SLC5A12: variants seen among roughly 807,000 people sequenced by gnomAD.
SLC5A12 encodes the protein sodium-coupled monocarboxylate transporter 2.
SLC5A12 carries 46 observed loss-of-function variants against 72.7 expected under a neutral mutation model. The observed-to-expected ratio is 0.63, with a 90% CI of 0.50 to 0.81. SLC5A12 has a LOEUF of 0.81. Ranked by LOEUF, SLC5A12 falls within the 30% of genes least tolerant of loss-of-function variation. The probability of loss-of-function intolerance (pLI) is 0.00; values close to 1 mark genes in which losing one functional copy is unlikely to be tolerated. For synonymous variants in SLC5A12, 275 were observed against 264.4 expected (o/e 1.04, Z -0.39); for missense variants, 683 against 740.7 (o/e 0.92, Z 0.90).
At chr11:26,723,219 C>T (rs1393238052), upstream of SLC5A12, 1 of 152,562 alleles carries the variant, frequency 6.6e-6, no homozygotes, top group Non-Finnish European at 1.5e-5. Flanking sequence ...CTTTTCACAT[C>T]TGGATAACTG....
At chr11:26,720,676 T>A (rs949804170) in intron 1 of SLC5A12, among the ~76,000 whole-genome samples, 1 of 152,174 alleles carries the variant, frequency 6.6e-6, no homozygotes, top group Non-Finnish European at 1.5e-5. Flanking sequence ...CACATTTCTA[T>A]ATAGAGCATG....
chr11:26,692,633 A>G (rs776152954), intron 8 of SLC5A12, 32 bp from the exon 9 acceptor site: 1 of 1,506,388 alleles, frequency 6.6e-7, no homozygotes, highest in Admixed American at 1.7e-5. Flanking sequence ...AACATGGTCT[A>G]AGCTATATAA....
rs1165244490 is a variant in SLC5A12 at position 26,698,805 on chromosome 11, T to C, written c.822-270A>G. 3.3e-5 allele frequency among the ~76,000 whole-genome samples: 5 copies of C among 152,188 alleles called. 1 individual carries two copies. In the South Asian group the frequency reaches 1.0e-3, roughly 31 times the overall value. On this transcript the variant is annotated intron_variant, in intron 6 of 14. Transcript: ENST00000396005. ...CAAGAGTTTTTGCAAAACCTTGATA[T>C]GTGTGGTATGAGATCTATTCTCTTG...
rs536821832 is a variant in SLC5A12 at position 26,680,483 on chromosome 11, G to C, written c.1475+572C>G. Among the ~76,000 whole-genome samples the C allele has an allele frequency of 1.2e-4, 18 of 149,616 alleles. No individual in the cohort carries two copies. The East Asian group carries it at 3.4e-3, about 28-fold the overall frequency. On this transcript the variant is annotated intron_variant, in intron 12 of 14. Coordinates refer to ENST00000396005, the MANE Select transcript of SLC5A12 (RefSeq NM_178498.4). ...TTACTAACTTGTCCAAAGATACAGA[G>C]GGAATAAATTATAAAACCAAAATCC...
Position 26,673,400 on chromosome 11 carries a change from A to C in SLC5A12, c.1707+2T>G. 1 of 1,569,160 alleles carries C rather than the reference A, an allele frequency of 6.4e-7. No individual in the cohort carries two copies. Among genetic ancestry groups the C allele is most frequent in the East Asian group, 2.3e-5 (1 of 42,654 alleles). On this transcript the variant is annotated splice_donor_variant, in intron 14 of 14. Coordinates refer to ENST00000396005, the MANE Select transcript of SLC5A12 (RefSeq NM_178498.4). LOFTEE classifies it high-confidence loss of function. Reference sequence around the variant, plus strand: ...TTTTTAGAAGCTCAAACATCAGCTCACCTGCTCTGTCCCACTGTCATGCTG... The same window carrying C: ...TTTTTAGAAGCTCAAACATCAGCTCCCCTGCTCTGTCCCACTGTCATGCTG...
At chr11:26,720,368 G>GA (rs1375926343) in intron 1 of SLC5A12, among the ~76,000 whole-genome samples, 1 of 113,994 alleles carries the variant, frequency 8.8e-6, no homozygotes, top group Non-Finnish European at 2.1e-5. Flanking sequence ...TAAATACATG[G>GA]AAAAAAAGAA....
intron 1 of SLC5A12, 41 bp from the exon 2 acceptor site, chr11:26,712,747 G>C (rs1855262247): frequency 2.7e-6 from 4 of 1,463,160 alleles, no homozygotes; most frequent in Non-Finnish European, 3.8e-6. Flanking sequence ...GTGAGGTTTA[G>C]ATAAGAACTG....
In SLC5A12 at chr11:26,683,814, T is replaced by A; in HGVS notation, c.1251A>T (p.Gly417=). Residue 417 remains glycine, a synonymous_variant, in exon 11 of 15, where the codon GGA becomes GGT. Transcript: ENST00000396005. ...GGGAGAATAAGCCCAGCATTGGTCC[T>A]CCACACATGCCGTGAATGCTGAGGG... is the stretch of plus-strand genomic sequence containing the variant. The part of the protein sequence containing the change: ...QASLSIHGMC[G]GPMLGLFSLG... The A allele has an allele frequency of 6.3e-7, 1 of 1,598,670 alleles. No individual in the cohort carries two copies. The highest frequency in any genetic ancestry group is 2.2e-5 in the East Asian group (1 of 44,486).
At position 26,711,506 on chromosome 11, in the gene SLC5A12, G is replaced by A. The variant is rs1423644439; in HGVS notation, c.406-148C>T. On this transcript the variant is annotated intron_variant, in intron 2 of 14. Coordinates refer to ENST00000396005, the MANE Select transcript of SLC5A12 (RefSeq NM_178498.4). ...TCCTGTTGACTCTAATTTTGAAGTT[G>A]CTCACCACTATCAGTAGTCTGTAGA... 2.3e-5 allele frequency: 16 copies of A among 688,062 alleles called. No homozygotes were observed. In the Admixed American group the frequency reaches 3.4e-4, roughly 15 times the overall value. The allele number at this position is 688,062 out of a possible 1,614,324, so 42.6% of individuals were successfully genotyped here. A position where few individuals can be genotyped will look rare whatever the true frequency, so the allele number is the denominator to read the frequency against.
At position 26,669,187 on chromosome 11, in the gene SLC5A12, T is replaced by TTCTTTTCTTTTTCTTTCTTTC. The variant is rs1554988603; in HGVS notation, c.*1914_*1915insGAAAGAAAGAAAAAGAAAAGA. On this transcript the variant is annotated 3_prime_UTR_variant, in exon 15 of 15. Coordinates refer to ENST00000396005, the MANE Select transcript of SLC5A12 (RefSeq NM_178498.4). ...TGTCTTTTTCTTTCTTTCTTTCTTCTTTTCTTTCTTTCTTTCTTTCTTTCT... is the reference window on the plus strand; with the variant it reads ...TGTCTTTTTCTTTCTTTCTTTCTTCTTCTTTTCTTTTTCTTTCTTTCTTTCTTTCTTTCTTTCTTTCTTTCT... The TTCTTTTCTTTTTCTTTCTTTC allele has an allele frequency of 9.0e-6, 1 of 110,942 alleles. No homozygotes were observed. The highest frequency in any genetic ancestry group is 2.0e-5 in the Non-Finnish European group (1 of 50,896). 6.9% of individuals were successfully genotyped at this position (110,942 alleles called of 1,614,324 possible).
chr11:26,692,937 G>A (rs1164066375), intron 8 of SLC5A12, among the ~76,000 whole-genome samples: 2 of 152,166 alleles, frequency 1.3e-5, no homozygotes, highest in Non-Finnish European at 2.9e-5. Flanking sequence ...GTGTGTTCAG[G>A]TTGGAGTGGA....
intron 12 of SLC5A12, among the ~76,000 whole-genome samples, chr11:26,680,250 T>G (rs1454300054): frequency 1.4e-5 from 2 of 142,358 alleles, no homozygotes; most frequent in African/African-American, 5.0e-5. Context: ...AATGTGAGAG[T>G]GAACATTTAT....
intron 1 of SLC5A12, among the ~76,000 whole-genome samples, chr11:26,714,563 A>G (rs866532333): frequency 6.6e-5 from 10 of 152,280 alleles, no homozygotes; most frequent in African/African-American, 2.2e-4. Flanking sequence ...TATAATAAAC[A>G]TGTATTGAAT....
In SLC5A12 at chr11:26,670,052, T is replaced by C. The variant is rs900573004; in HGVS notation, c.*1050A>G. Reference sequence around the variant, plus strand: ...GCCTTTTAATCTGCAATACCCTCATTCTCCAGAACTTTAAACATTATTTTC... The same window carrying C: ...GCCTTTTAATCTGCAATACCCTCATCCTCCAGAACTTTAAACATTATTTTC... On this transcript the variant is annotated 3_prime_UTR_variant, in exon 15 of 15. Coordinates refer to ENST00000396005, the MANE Select transcript of SLC5A12 (RefSeq NM_178498.4). 1 of 152,048 alleles carries C rather than the reference T, an allele frequency of 6.6e-6. No individual in the cohort carries two copies. Among genetic ancestry groups the C allele is most frequent in the Non-Finnish European group, 1.5e-5 (1 of 67,986 alleles). The allele number at this position is 152,048 out of a possible 1,614,324, so 9.4% of individuals were successfully genotyped here.
chr11:26,691,764 C>A (rs1854680867), intron 9 of SLC5A12: 1 of 152,020 alleles, frequency 6.6e-6, no homozygotes, highest in South Asian at 2.1e-4. Flanking sequence ...AAAAAGTAAA[C>A]CTTGTGAAAC....
intron 3 of SLC5A12, among the ~76,000 whole-genome samples, chr11:26,709,886 T>C (rs1218230378): frequency 1.3e-5 from 2 of 151,996 alleles, no homozygotes; most frequent in African/African-American, 4.8e-5. Context: ...TCTTTGACTT[T>C]TTTTCTAGGA....
At chr11:26,716,685 C>T (rs1565204826) in intron 1 of SLC5A12, among the ~76,000 whole-genome samples, 1 of 151,914 alleles carries the variant, frequency 6.6e-6, no homozygotes, top group Non-Finnish European at 1.5e-5. Context: ...AGCCTTTACT[C>T]CTCTCTCTCC....
At chr11:26,698,627 G>A in intron 6 of SLC5A12, 92 bp from the exon 7 acceptor site, 1 of 1,237,742 alleles carries the variant, frequency 8.1e-7, no homozygotes, top group South Asian at 2.0e-5. Context: ...AAGGGTTTTG[G>A]GTCTTTTTGC....
chr11:26,718,511 G>A (rs1855403038), intron 1 of SLC5A12, among the ~76,000 whole-genome samples: 1 of 152,152 alleles, frequency 6.6e-6, no homozygotes, highest in Admixed American at 6.5e-5. Context: ...CCAGGTTGGA[G>A]TGCAGTGGAT....
Sources: allele counts gnomAD v4.1 joint callset (sites outside exome capture counted in the v4.1 genomes callset), GRCh38; gene constraint gnomAD v4.1.1; transcripts MANE v1.5; gene names NCBI Gene and HGNC (gene_info 2026-07-23, HGNC 2026-07-21).